Variants in PPP1R9A observed in about 807,000 individuals in gnomAD.
The protein encoded by PPP1R9A is protein phosphatase 1 regulatory subunit 9A, also known as neurabin-1.
A neutral mutation model predicts 141.9 loss-of-function variants in PPP1R9A; 59 were observed. That is an observed-to-expected ratio of 0.42 (90% CI 0.34 to 0.52). The LOEUF is 0.52. Among genes scored for constraint, PPP1R9A ranks in the 20% least tolerant of loss-of-function variants. The pLI is 0.10. For missense variants in PPP1R9A, 1,444 were observed against 1,611.9 expected (o/e 0.90, Z 1.78); for synonymous variants, 500 against 569.7 (o/e 0.88, Z 1.74).
intron 2 of PPP1R9A, among the ~76,000 whole-genome samples, chr7:94,967,164 T>A (rs1233441137): frequency 2.0e-5 from 3 of 152,166 alleles, no homozygotes; most frequent in Non-Finnish European, 4.4e-5. Context: ...AGTGGTGATA[T>A]CCCCCTTATC....
Position 95,251,764 on chromosome 7 carries a change from A to G in PPP1R9A, c.2399A>G (p.Glu800Gly). 1 of 1,611,910 alleles carries G rather than the reference A, an allele frequency of 6.2e-7. No individual in the cohort carries two copies. Among genetic ancestry groups the G allele is most frequent in the East Asian group, 2.2e-5 (1 of 44,776 alleles). ...KKLIKDFQQK[E>G]LDFIKRQEAE... ...AGAACTATTATTTTCTTCTTAAGAG[A>G]GCTTGATTTCATCAAAAGACAGGAA... The change falls in exon 11 of 20, where the codon GAG becomes GGG. Residue 800 changes from glutamate (E) to glycine (G), a missense_variant and splice_region_variant. Coordinates refer to ENST00000433360, the MANE Select transcript of PPP1R9A (RefSeq NM_001166160.2).
intron 2 of PPP1R9A, among the ~76,000 whole-genome samples, chr7:94,991,067 C>G (rs1801446961): frequency 6.6e-6 from 1 of 152,072 alleles, no homozygotes; most frequent in Non-Finnish European, 1.5e-5. Flanking sequence ...AAAAATGCCC[C>G]AGCAATGGTA....
intron 4 of PPP1R9A, among the ~76,000 whole-genome samples, chr7:95,160,620 G>A (rs1268874971): frequency 2.6e-5 from 4 of 151,584 alleles, no homozygotes; most frequent in African/African-American, 9.7e-5. Context: ...TGATCCTGTC[G>A]CCTAGGTACC....
chr7:95,210,631 G>A (rs1585264677), intron 7 of PPP1R9A, among the ~76,000 whole-genome samples: 2 of 151,992 alleles, frequency 1.3e-5, no homozygotes, highest in East Asian at 3.9e-4. Context: ...ATTTGACCCA[G>A]CAATCCAATT....
chr7:94,988,276 A>G (rs1197106953), intron 2 of PPP1R9A, among the ~76,000 whole-genome samples: 1 of 152,134 alleles, frequency 6.6e-6, no homozygotes, highest in South Asian at 2.1e-4. Flanking sequence ...AAGAATATTA[A>G]AAGTCTTTTA....
At chr7:94,983,524 T>G (rs1414408710) in intron 2 of PPP1R9A, among the ~76,000 whole-genome samples, 1 of 152,124 alleles carries the variant, frequency 6.6e-6, no homozygotes, top group Non-Finnish European at 1.5e-5. Flanking sequence ...GGTTTGTAGT[T>G]CTCCTTGAAG....
intron 2 of PPP1R9A, among the ~76,000 whole-genome samples, chr7:95,034,975 G>T (rs1808240752): frequency 6.6e-6 from 1 of 152,228 alleles, no homozygotes; most frequent in South Asian, 2.1e-4. Context: ...TGAGTACCAT[G>T]ATCTGAACCA....
intron 2 of PPP1R9A, among the ~76,000 whole-genome samples, chr7:95,067,127 T>C (rs573622380): frequency 6.6e-6 from 1 of 152,368 alleles, no homozygotes; most frequent in East Asian, 1.9e-4. Context: ...AAGATATTTT[T>C]ATACATACAG....
chr7:94,977,025 A>G (rs1012730637), intron 2 of PPP1R9A, among the ~76,000 whole-genome samples: 2 of 152,060 alleles, frequency 1.3e-5, no homozygotes, highest in Non-Finnish European at 2.9e-5. Flanking sequence ...AGTAAAGGAT[A>G]TCAGCCAGGT....
chr7:95,284,116 A>G lies in PPP1R9A; in HGVS notation c.3395A>G (p.Asp1132Gly). 1 of 1,591,944 alleles carries G rather than the reference A, an allele frequency of 6.3e-7. No homozygotes were observed. The highest frequency in any genetic ancestry group is 8.5e-7 in the Non-Finnish European group (1 of 1,172,876). The part of the protein sequence containing the change: ...SPCMPFSWFN[D>G]SRKGSYSFRN... ...TGCATGCCTTTCTCATGGTTTAATG[A>G]CAGCCGGAAAGGATCCTATTCCTTC... Residue 1132 changes from aspartate to glycine, a missense_variant, in exon 17 of 20, where the codon GAC (aspartate) becomes GGC (glycine). By Grantham distance (94) the Asp-to-Gly change is moderately conservative (BLOSUM62 -1). Around this residue, in one of 5 missense-constraint regions of PPP1R9A, gnomAD observed 459 missense variants for 513.8 expected, o/e 0.89. Transcript: ENST00000433360.
At chr7:94,991,288 A>AT (rs1379009468) in intron 2 of PPP1R9A, among the ~76,000 whole-genome samples, 1 of 152,018 alleles carries the variant, frequency 6.6e-6, no homozygotes, top group Non-Finnish European at 1.5e-5. Flanking sequence ...GATGTTGAGC[A>AT]TTTTTTCCTA....
chr7:95,278,079 G>T (rs1333311812), intron 16 of PPP1R9A, among the ~76,000 whole-genome samples: 13 of 152,202 alleles, frequency 8.5e-5, no homozygotes, highest in Admixed American at 7.9e-4. Context: ...GTGAACAACA[G>T]AAACAACACT....
intron 2 of PPP1R9A, among the ~76,000 whole-genome samples, chr7:94,968,757 C>T (rs1422200922): frequency 6.6e-6 from 1 of 152,078 alleles, no homozygotes; most frequent in Non-Finnish European, 1.5e-5. Context: ...TTCCATTCTC[C>T]CTGTCACTTT....
At chr7:94,944,228 C>T (rs570433603) in intron 2 of PPP1R9A, among the ~76,000 whole-genome samples, 10 of 152,100 alleles carry the variant, frequency 6.6e-5, no homozygotes, top group Admixed American at 2.6e-4. Context: ...GTTTTCCAAG[C>T]TTATGTCTGA....
At chr7:95,177,991 A>G (rs1051946314) in intron 5 of PPP1R9A, among the ~76,000 whole-genome samples, 7 of 152,190 alleles carry the variant, frequency 4.6e-5, no homozygotes, top group African/African-American at 9.6e-5. Flanking sequence ...CTGAAAGTCA[A>G]CAAAGAAACA....
chr7:95,023,442 T>G (rs890850877), intron 2 of PPP1R9A, among the ~76,000 whole-genome samples: 40 of 152,198 alleles, frequency 2.6e-4, no homozygotes, highest in African/African-American at 8.9e-4. Context: ...GATTCATTGA[T>G]TTTTTTGAAT....
chr7:95,076,141 G>C (rs1480544859), intron 2 of PPP1R9A, among the ~76,000 whole-genome samples: 1 of 152,080 alleles, frequency 6.6e-6, no homozygotes, highest in Non-Finnish European at 1.5e-5. Context: ...GGGCTGATGT[G>C]ATCCTCCCAC....
At chr7:95,048,975 G>A (rs1471580642) in intron 2 of PPP1R9A, among the ~76,000 whole-genome samples, 2 of 150,428 alleles carry the variant, frequency 1.3e-5, no homozygotes, top group Non-Finnish European at 2.9e-5. Context: ...AATGACTTGG[G>A]CATTTCAAAA....
intron 16 of PPP1R9A, among the ~76,000 whole-genome samples, chr7:95,276,692 A>G (rs1220311704): frequency 6.6e-6 from 1 of 152,214 alleles, no homozygotes; most frequent in Non-Finnish European, 1.5e-5. Context: ...AAATAAAATC[A>G]TAGTTTTATA....
Sources: gnomAD v4.1 joint callset for allele counts (sites outside exome capture counted in the v4.1 genomes callset) on GRCh38, gnomAD v4.1.1 for gene constraint, gnomAD v4.1.1 regional missense constraint, MANE v1.5 for transcripts, NCBI Gene and HGNC (gene_info 2026-07-23, HGNC 2026-07-21) for gene names.